The following ATM variants were observed in gnomAD, a reference collection of about 807,000 sequenced individuals.
ATM encodes serine-protein kinase ATM.
Under a neutral mutation model 387.0 loss-of-function variants are expected in ATM, and 308 were observed. That is an observed-to-expected ratio of 0.80 (90% CI 0.73 to 0.87). The LOEUF (loss-of-function observed/expected upper bound fraction) is 0.87, where lower values mean the gene tolerates loss of function less well. Among genes scored for constraint, ATM ranks in the 40% least tolerant of loss-of-function variants. ATM has a pLI of 0.00. For synonymous variants in ATM, 1,156 were observed against 1,187.3 expected (o/e 0.97, Z 0.54); for missense variants, 3,312 against 3,560.9 (o/e 0.93, Z 1.78).
chr11:108,227,878 G>T lies in ATM; in HGVS notation c.175G>T (p.Ala59Ser), dbSNP rs752527112. The change falls in exon 3 of 63, where the codon GCT becomes TCT. Residue 59 changes from alanine to serine, a missense_variant. Coordinates refer to ENST00000675843, the MANE Select transcript of ATM (RefSeq NM_000051.4). ...ACAAGGAAAATATTTGAATTGGGAT[G>T]CTGTTTTTAGGTATTCTATTCAAAT... ...SKQGKYLNWDAVFRFLQKYIQ... is the reference protein window; with the variant it reads ...SKQGKYLNWDSVFRFLQKYIQ... The T allele has an allele frequency of 2.5e-6, 4 of 1,610,284 alleles. No homozygotes were observed. In the African/African-American group the frequency reaches 5.4e-5, roughly 22 times the overall value.
intron 29 of ATM, among the ~76,000 whole-genome samples, chr11:108,291,924 T>A (rs564977663): frequency 6.6e-6 from 1 of 152,292 alleles, no homozygotes; most frequent in South Asian, 2.1e-4. Flanking sequence ...CTTTTGAATA[T>A]ACTAATTTCC....
chr11:108,309,198 AAAC>A (rs754231723), intron 38 of ATM: 147 of 538,714 alleles, frequency 2.7e-4, no homozygotes, highest in Middle Eastern at 5.0e-4. Context: ...AACAACAATA[AAAC>A]AACAACAACA....
intron 40 of ATM, among the ~76,000 whole-genome samples, chr11:108,313,473 G>T (rs1023089662): frequency 2.0e-5 from 3 of 151,984 alleles, no homozygotes; most frequent in African/African-American, 7.3e-5. Flanking sequence ...TAAACTTCAT[G>T]TTGCTAAGTC....
chr11:108,229,111 A>G (rs2078877828), intron 3 of ATM, 67 bp from the exon 4 acceptor site: 5 of 1,516,282 alleles, frequency 3.3e-6, no homozygotes, highest in Non-Finnish European at 4.5e-6. Context: ...TGGCATGAAC[A>G]GCTTTTGAAA....
In ATM at chr11:108,235,873, T is replaced by G. The variant is rs369894820; in HGVS notation, c.496+39T>G. 22 of 1,610,468 alleles carry G rather than the reference T, an allele frequency of 1.4e-5. No individual in the cohort carries two copies. The African/African-American group carries it at 2.8e-4, about 21-fold the overall frequency. The stretch of plus-strand genomic sequence containing the variant: ...GTTGTTGTTTGTGAATTTTTCCTCA[T>G]GAAATGAAACTTCACCAAAGAAAGC... On this transcript the variant is annotated intron_variant, in intron 5 of 62. Coordinates refer to ENST00000675843, the MANE Select transcript of ATM (RefSeq NM_000051.4).
At chr11:108,258,760 C>T (rs537502234) in intron 15 of ATM, among the ~76,000 whole-genome samples, 4 of 152,132 alleles carry the variant, frequency 2.6e-5, no homozygotes, top group Non-Finnish European at 5.9e-5. Flanking sequence ...GCTCACTTAT[C>T]TTTAGGGTCA....
At chr11:108,232,866 CTTT>C (rs562676052) in intron 4 of ATM, among the ~76,000 whole-genome samples, 4 of 136,880 alleles carry the variant, frequency 2.9e-5, no homozygotes, top group African/African-American at 2.7e-5. Flanking sequence ...CATTTCTTTT[CTTT>C]TTTTTTTTTT....
At chr11:108,349,754 G>A (rs2088955352) in intron 59 of ATM, among the ~76,000 whole-genome samples, 1 of 152,198 alleles carries the variant, frequency 6.6e-6, no homozygotes, top group Non-Finnish European at 1.5e-5. Flanking sequence ...GACACATTTG[G>A]TCCTTGCTTT....
In ATM at chr11:108,316,073, C is replaced by T. The variant is rs2136130260; in HGVS notation, c.6158C>T (p.Thr2053Ile). ...GCCCTAGTAACATATGACCTCGAAA[C>T]AGCAATCCCCTCATCAACACGCCAG... is the stretch of plus-strand genomic sequence containing the variant. Reference protein sequence around the residue: ...GKALVTYDLETAIPSSTRQAG... With the variant: ...GKALVTYDLEIAIPSSTRQAG... Residue 2053 changes from threonine to isoleucine, a missense_variant, in exon 42 of 63, where the codon ACA becomes ATA. Around this residue, in one of 4 missense-constraint regions of ATM, gnomAD observed 1,405 missense variants for 1,604.4 expected, o/e 0.88. Transcript: ENST00000675843. 1 of 1,614,098 alleles carries T rather than the reference C, an allele frequency of 6.2e-7. No individual in the cohort carries two copies.
rs1388109606 is a variant in ATM at position 108,282,814 on chromosome 11, T to A, written c.3681T>A (p.Thr1227=). 1 of 1,554,954 alleles carries A rather than the reference T, an allele frequency of 6.4e-7. No individual in the cohort carries two copies. Among genetic ancestry groups the A allele is most frequent in the African/African-American group, 1.4e-5 (1 of 73,518 alleles). ...LVLEWLNLQD[T]EYNLSSFPFI... ...TGGAATGGCTAAATCTTCAAGATAC[T>A]GAATACAACTTATCTTCTTTTCCTT... is the stretch of plus-strand genomic sequence containing the variant. The change falls in exon 25 of 63, where the codon ACT becomes ACA. Residue 1227 remains threonine (T), a synonymous_variant. Transcript: ENST00000675843.
intron 40 of ATM, among the ~76,000 whole-genome samples, chr11:108,313,843 A>G (rs1232212548): frequency 6.6e-6 from 1 of 152,038 alleles, no homozygotes; most frequent in Non-Finnish European, 1.5e-5. Context: ...TGCTTGATCA[A>G]TTTTCTATGC....
chr11:108,299,799 C>T lies in ATM; in HGVS notation c.5091C>T (p.Thr1697=), dbSNP rs1555104680. The change falls in exon 34 of 63, where the codon ACC becomes ACT. Residue 1697 remains threonine (T), a synonymous_variant. Coordinates refer to ENST00000675843, the MANE Select transcript of ATM (RefSeq NM_000051.4). ...AACATAGTAAAGATGCATCTTATAC[C>T]AAGGCCCTTAAGTTATTTGAAGATA... ...AIQHSKDASY[T]KALKLFEDKE... is the part of the protein sequence containing the mutation. 6.2e-7 allele frequency: 1 copy of T among 1,613,828 alleles called. No homozygotes were observed. Among genetic ancestry groups the T allele is most frequent in the Non-Finnish European group, 8.5e-7 (1 of 1,179,862 alleles).
At chr11:108,319,911 G>A (rs2136216955) in intron 43 of ATM, 43 bp from the exon 44 acceptor site, 1 of 1,384,272 alleles carries the variant, frequency 7.2e-7, no homozygotes, top group Non-Finnish European at 1.0e-6. Context: ...ATATCTTAGG[G>A]TTCTGTTTTT....
At chr11:108,276,594 T>C (rs1464298718) in intron 22 of ATM, among the ~76,000 whole-genome samples, 1 of 152,188 alleles carries the variant, frequency 6.6e-6, no homozygotes, top group Non-Finnish European at 1.5e-5. Flanking sequence ...TTTTGTTTGT[T>C]AGTTTTCCTT....
At chr11:108,364,403 T>C (rs918280683) in intron 61 of ATM, among the ~76,000 whole-genome samples, 1 of 152,208 alleles carries the variant, frequency 6.6e-6, no homozygotes, top group South Asian at 2.1e-4. Flanking sequence ...GAACTCACTT[T>C]CTAAAATTTA....
chr11:108,235,171 C>A (rs2079203258), intron 4 of ATM, among the ~76,000 whole-genome samples: 1 of 152,002 alleles, frequency 6.6e-6, no homozygotes. Flanking sequence ...GTGGTGCACG[C>A]CTCTAGTCTC....
Position 108,227,850 on chromosome 11 carries a change from C to T in ATM, c.147C>T (p.Ser49=), listed in dbSNP as rs876660033. 6.2e-7 allele frequency: 1 copy of T among 1,613,238 alleles called. No homozygotes were observed. The highest frequency in any genetic ancestry group is 1.3e-5 in the African/African-American group (1 of 74,974). ...AACATCTAGATCGGCATTCAGATTC[C>T]AAACAAGGAAAATATTTGAATTGGG... ...TIKHLDRHSD[S]KQGKYLNWDA... The change falls in exon 3 of 63, where the codon TCC becomes TCT. Residue 49 remains serine (S), a synonymous_variant. Transcript: ENST00000675843.
intron 56 of ATM, among the ~76,000 whole-genome samples, chr11:108,340,995 C>A (rs1565553799): frequency 2.0e-5 from 3 of 152,014 alleles, no homozygotes; most frequent in South Asian, 4.2e-4. Flanking sequence ...TGCAGAGGGC[C>A]AGCTGTATTC....
intron 29 of ATM, among the ~76,000 whole-genome samples, chr11:108,291,360 A>G (rs1467980311): frequency 1.3e-5 from 2 of 152,232 alleles, no homozygotes; most frequent in Admixed American, 6.5e-5. Context: ...GTGGTAAACT[A>G]TATAACATAA....
Sources: gnomAD v4.1 joint callset for allele counts (sites outside exome capture counted in the v4.1 genomes callset) on GRCh38, gnomAD v4.1.1 for gene constraint, gnomAD v4.1.1 regional missense constraint, MANE v1.5 for transcripts, NCBI Gene and HGNC (gene_info 2026-07-23, HGNC 2026-07-21) for gene names.